RSPRY1: variants seen among roughly 807,000 people sequenced by gnomAD.
RSPRY1 encodes ring finger and SPRY domain containing 1, also known as RING finger and SPRY domain-containing protein 1.
In RSPRY1, 23 loss-of-function variants were observed where a neutral mutation model predicts 73.1. That is an observed-to-expected ratio of 0.31 (90% confidence interval 0.23 to 0.45). The LOEUF (loss-of-function observed/expected upper bound fraction) is 0.45. Among genes scored for constraint, RSPRY1 ranks in the 20% least tolerant of loss-of-function variants. The pLI is 1.00. For missense variants in RSPRY1, 448 were observed against 698.7 expected (o/e 0.64, Z 4.05); for synonymous variants, 226 against 251.4 (o/e 0.90, Z 0.95).
At chr16:57,235,739 T>C (rs1597937738) in intron 14 of RSPRY1, among the ~76,000 whole-genome samples, 1 of 152,192 alleles carries the variant, frequency 6.6e-6, no homozygotes, top group South Asian at 2.1e-4. Flanking sequence ...GGCCAGTCAA[T>C]GTGTGCCGAT....
intron 4 of RSPRY1, 41 bp from the exon 5 acceptor site, chr16:57,212,931 G>A (rs1000406513): frequency 6.3e-7 from 1 of 1,598,520 alleles, no homozygotes; most frequent in Non-Finnish European, 8.5e-7. Flanking sequence ...AACAACCTGT[G>A]TAGTATATGG....
intron 13 of RSPRY1, among the ~76,000 whole-genome samples, chr16:57,231,769 ACT>A (rs3214479): frequency 0.39 from 58,706 of 151,932 alleles, 11,550 homozygotes; most frequent in South Asian, 0.5. Context: ...CTTTTAGCAG[ACT>A]CGGCTTTATT....
intron 1 of RSPRY1, among the ~76,000 whole-genome samples, chr16:57,199,942 G>C (rs1430999674): frequency 1.7e-5 from 2 of 115,282 alleles, no homozygotes; most frequent in Non-Finnish European, 3.5e-5. Flanking sequence ...GATCATTCTT[G>C]GGTGTTTCTC....
chr16:57,218,052 C>T (rs2074968991), intron 8 of RSPRY1, among the ~76,000 whole-genome samples: 1 of 152,232 alleles, frequency 6.6e-6, no homozygotes, highest in African/African-American at 2.4e-5. Flanking sequence ...TATGTCTCCT[C>T]ACCTATTCTG....
intron 1 of RSPRY1, among the ~76,000 whole-genome samples, chr16:57,199,895 G>GTTTTTTTTTTCT (rs2074530206): frequency 8.5e-5 from 9 of 106,248 alleles, no homozygotes; most frequent in East Asian, 5.3e-4. Flanking sequence ...TTTTTTGTTT[G>GTTTTTTTTTTCT]TTTTTTTTTT....
rs2075135963 is a variant in RSPRY1, at chr16:57,227,345, G to A, written c.1165G>A (p.Gly389Ser). The A allele has an allele frequency of 6.2e-7, 1 of 1,611,872 alleles. No individual in the cohort carries two copies. The highest frequency in any genetic ancestry group is 1.3e-5 in the African/African-American group (1 of 74,986). The change falls in exon 11 of 15, where the codon GGC (glycine) becomes AGC (serine). Residue 389 changes from glycine (G) to serine (S), a missense_variant. By Grantham distance (56) the Gly-to-Ser change is moderately conservative. Transcript: ENST00000394420. Reference protein sequence around the residue: ...TRDSKFLNHEGYGIGDDEYSC... With the variant: ...TRDSKFLNHESYGIGDDEYSC... The stretch of plus-strand genomic sequence containing the variant: ...TCTGGGCCTTGTCTCTCTCCAGGAA[G>A]GCTACGGCATTGGGGATGATGAATA...
intron 7 of RSPRY1, 88 bp downstream of exon 7, chr16:57,216,261 T>C: frequency 1.1e-6 from 1 of 949,830 alleles, no homozygotes; most frequent in South Asian, 1.3e-5. Context: ...AGCCTACACT[T>C]TGAACCCCAT....
intron 1 of RSPRY1, among the ~76,000 whole-genome samples, chr16:57,191,196 C>G (rs1380628931): frequency 6.6e-6 from 1 of 152,148 alleles, no homozygotes; most frequent in East Asian, 1.9e-4. Flanking sequence ...TGTTTTCGCT[C>G]TTGTGTTCCC....
chr16:57,194,392 A>G (rs1458042499), intron 1 of RSPRY1, among the ~76,000 whole-genome samples: 1 of 152,192 alleles, frequency 6.6e-6, no homozygotes, highest in Admixed American at 6.5e-5. Flanking sequence ...AATTTTCTGT[A>G]TGTTTGGAAA....
chr16:57,237,862 G>A (rs1373218244), intron 14 of RSPRY1, among the ~76,000 whole-genome samples: 3 of 152,002 alleles, frequency 2.0e-5, no homozygotes, highest in Non-Finnish European at 4.4e-5. Context: ...ACCAGTGCCC[G>A]CCACCATGCC....
intron 1 of RSPRY1, among the ~76,000 whole-genome samples, chr16:57,195,348 C>T (rs1038873111): frequency 1.3e-5 from 2 of 151,934 alleles, no homozygotes; most frequent in Non-Finnish European, 2.9e-5. Flanking sequence ...CCCATCTCTA[C>T]TAAATGTACA....
intron 1 of RSPRY1, among the ~76,000 whole-genome samples, chr16:57,196,269 C>G (rs1390414327): frequency 6.6e-6 from 1 of 152,008 alleles, no homozygotes; most frequent in East Asian, 1.9e-4. Flanking sequence ...ATTCTAATGG[C>G]TTTTTAGGCT....
At chr16:57,201,960 A>G (rs1567491034) in intron 1 of RSPRY1, among the ~76,000 whole-genome samples, 10 of 151,956 alleles carry the variant, frequency 6.6e-5, no homozygotes, top group Non-Finnish European at 1.5e-4. Flanking sequence ...AAAGAGAGAG[A>G]GAGGGAGAGG....
chr16:57,191,399 A>G (rs2074349619), intron 1 of RSPRY1, among the ~76,000 whole-genome samples: 1 of 152,190 alleles, frequency 6.6e-6, no homozygotes, highest in South Asian at 2.1e-4. Flanking sequence ...ATAACCTAAA[A>G]CTAGAACAAT....
At chr16:57,232,889 G>A (rs1597931286) in intron 13 of RSPRY1, among the ~76,000 whole-genome samples, 1 of 152,292 alleles carries the variant, frequency 6.6e-6, no homozygotes, top group East Asian at 1.9e-4. Context: ...TTCTCTGATA[G>A]TAACAAGAAG....
Position 57,208,074 on chromosome 16 carries a change from T to C in RSPRY1, c.367T>C (p.Tyr123His), listed in dbSNP as rs576722341. The change falls in exon 3 of 15, where the codon TAT (tyrosine) becomes CAT (histidine). Residue 123 changes from tyrosine (Y) to histidine (H), a missense_variant. Coordinates refer to ENST00000394420, the MANE Select transcript of RSPRY1 (RefSeq NM_133368.3). ...TLVDNDQEPP[Y>H]SMITLHEMAE... Reference sequence around the variant, plus strand: ...TTTTTCCAGTGATCAGGAACCTCCCTATTCAATGATAACATTACACGAAAT... The same window carrying C: ...TTTTTCCAGTGATCAGGAACCTCCCCATTCAATGATAACATTACACGAAAT... 8 of 1,594,442 alleles carry C rather than the reference T, an allele frequency of 5.0e-6. No individual in the cohort carries two copies. The South Asian group carries it at 6.8e-5, about 14-fold the overall frequency.
chr16:57,220,475 T>C (rs950003), intron 8 of RSPRY1: 8,805 of 232,008 alleles, frequency 0.038, 550 homozygotes, highest in East Asian at 0.21. Flanking sequence ...AGAAATGCTA[T>C]TGATTTTTGT....
intron 1 of RSPRY1, among the ~76,000 whole-genome samples, chr16:57,201,582 G>A (rs531640360): frequency 2.0e-5 from 3 of 152,230 alleles, no homozygotes; most frequent in African/African-American, 4.8e-5. Context: ...CTGCAATCTC[G>A]GCACTTTGGG....
chr16:57,198,432 T>C (rs562336540), intron 1 of RSPRY1, among the ~76,000 whole-genome samples: 1 of 152,290 alleles, frequency 6.6e-6, no homozygotes, highest in East Asian at 1.9e-4. Context: ...TTATTCTGTA[T>C]TCAGTGTATA....
Sources: gnomAD v4.1 joint callset for allele counts (sites outside exome capture counted in the v4.1 genomes callset) on GRCh38, gnomAD v4.1.1 for gene constraint, MANE v1.5 for transcripts, NCBI Gene and HGNC (gene_info 2026-07-23, HGNC 2026-07-21) for gene names.